The following GRM7 variants were observed in gnomAD, a reference collection of about 807,000 sequenced individuals.
GRM7 encodes metabotropic glutamate receptor 7.
GRM7 carries 35 observed loss-of-function variants against 84.5 expected under a neutral mutation model. That is an observed-to-expected ratio of 0.41 (90% CI 0.32 to 0.55). GRM7 has a LOEUF of 0.55. Among genes scored for constraint, GRM7 ranks in the 20% least tolerant of loss-of-function variants. The pLI is 0.19. For missense variants in GRM7, 1,003 were observed against 1,194.6 expected (o/e 0.84, Z 2.36); for synonymous variants, 487 against 455.1 (o/e 1.07, Z -0.89).
At chr3:7,655,907 T>C (rs1327184903) in intron 8 of GRM7, among the ~76,000 whole-genome samples, 2 of 152,176 alleles carry the variant, frequency 1.3e-5, no homozygotes, top group African/African-American at 4.8e-5. Flanking sequence ...GAAGGAACCA[T>C]GTGTAAGAAA....
intron 8 of GRM7, among the ~76,000 whole-genome samples, chr3:7,605,928 C>T (rs997116973): frequency 2.0e-5 from 3 of 152,086 alleles, no homozygotes; most frequent in Non-Finnish European, 4.4e-5. Flanking sequence ...CTCCGTGTTC[C>T]AATAACACTT....
intron 2 of GRM7, among the ~76,000 whole-genome samples, chr3:7,252,200 G>A (rs2124940948): frequency 1.3e-5 from 2 of 152,300 alleles, no homozygotes; most frequent in South Asian, 2.1e-4. Flanking sequence ...TTACCGAGAG[G>A]CAAGTGCTTT....
At chr3:7,452,482 A>G in intron 5 of GRM7, 125 bp from the exon 6 acceptor site, 1 of 699,690 alleles carries the variant, frequency 1.4e-6, no homozygotes, top group Admixed American at 2.3e-5. Context: ...GAATTACTGT[A>G]TTTATCGAAG....
rs1330952214 is a variant in GRM7 at position 7,259,954 on chromosome 3, T to TTTTTTTTTTTG, written c.737-38720_737-38719insGTTTTTTTTTT. Among the ~76,000 whole-genome samples, 10 of 14,246 alleles carry TTTTTTTTTTTG rather than the reference T, an allele frequency of 7.0e-4. 1 individual carries two copies. The highest frequency in any genetic ancestry group is 1.4e-3 in the Admixed American group (1 of 698). The allele number at this position is 14,246 out of a possible 152,430, so 9.3% of individuals were successfully genotyped here. A position where few individuals can be genotyped will look rare whatever the true frequency, so the allele number is the denominator to read the frequency against. ...TTCTCTGCAACCTTACCAGCATCTG[T>TTTTTTTTTTTG]TTTTTTTTTTTGACGTTTTAATAAT... On this transcript the variant is annotated intron_variant, in intron 2 of 9. Transcript: ENST00000357716.
intron 4 of GRM7, among the ~76,000 whole-genome samples, chr3:7,308,491 G>A (rs766126626): frequency 1.2e-3 from 178 of 152,204 alleles, no homozygotes; most frequent in Non-Finnish European, 2.0e-3. Context: ...GTGATTATGT[G>A]TCTGGAGGGA....
At chr3:7,055,203 T>A (rs1401078975) in intron 1 of GRM7, among the ~76,000 whole-genome samples, 1 of 151,264 alleles carries the variant, frequency 6.6e-6, no homozygotes, top group Non-Finnish European at 1.5e-5. Flanking sequence ...TTCATTTTCT[T>A]CTTCTTCTTC....
At chr3:7,048,866 C>T (rs1169787206) in intron 1 of GRM7, among the ~76,000 whole-genome samples, 1 of 151,888 alleles carries the variant, frequency 6.6e-6, no homozygotes, top group African/African-American at 2.4e-5. Context: ...AACACTTCCT[C>T]ACCCCCGGTA....
chr3:6,923,526 A>T (rs1402516944), intron 1 of GRM7, among the ~76,000 whole-genome samples: 1 of 152,212 alleles, frequency 6.6e-6, no homozygotes, highest in African/African-American at 2.4e-5. Context: ...AAATCTTTTG[A>T]GGATTGTTCA....
At chr3:7,466,539 A>G (rs767535829) in intron 7 of GRM7, among the ~76,000 whole-genome samples, 1 of 152,248 alleles carries the variant, frequency 6.6e-6, no homozygotes, top group Non-Finnish European at 1.5e-5. Flanking sequence ...GATAGAAACC[A>G]TGATGGTTAC....
chr3:6,990,826 T>C (rs1482115476), intron 1 of GRM7, among the ~76,000 whole-genome samples: 2 of 152,170 alleles, frequency 1.3e-5, no homozygotes, highest in African/African-American at 4.8e-5. Context: ...GCTAATCAAC[T>C]CCAAAGTCTT....
In GRM7 at chr3:7,626,701, G is replaced by T. The variant is rs184178282; in HGVS notation, c.2451+47344G>T. On this transcript the variant is annotated intron_variant, in intron 8 of 9. Coordinates refer to ENST00000357716, the MANE Select transcript of GRM7 (RefSeq NM_000844.4). ...TTGTGTAAGGATACTAGCCATAGTG[G>T]ATTAGAGACCCACCCTAATCATCTC... 4.6e-5 allele frequency among the ~76,000 whole-genome samples: 7 copies of T among 152,238 alleles called. No homozygotes were observed. In the East Asian group the frequency reaches 1.4e-3, roughly 29 times the overall value.
chr3:7,046,611 C>A (rs1696816006), intron 1 of GRM7, among the ~76,000 whole-genome samples: 1 of 152,158 alleles, frequency 6.6e-6, no homozygotes, highest in South Asian at 2.1e-4. Context: ...CATTCCCCTT[C>A]AAGAGGCATA....
chr3:7,449,555 A>C (rs1326708262), intron 5 of GRM7, among the ~76,000 whole-genome samples: 1 of 152,164 alleles, frequency 6.6e-6, no homozygotes, highest in Non-Finnish European at 1.5e-5. Context: ...TTGCTCTGTC[A>C]GTTATTAAAA....
At chr3:7,708,273 C>A (rs1701461235) in intron 9 of GRM7, among the ~76,000 whole-genome samples, 1 of 151,636 alleles carries the variant, frequency 6.6e-6, no homozygotes, top group South Asian at 2.1e-4. Context: ...AGCCTAGTTT[C>A]CTTAAAAATA....
At chr3:7,312,647 A>G (rs1360057812) in intron 4 of GRM7, among the ~76,000 whole-genome samples, 1 of 152,126 alleles carries the variant, frequency 6.6e-6, no homozygotes, top group African/African-American at 2.4e-5. Flanking sequence ...TAAAATGCCA[A>G]ATGCTGACTT....
At chr3:7,482,155 TC>T (rs1699155174) in intron 7 of GRM7, among the ~76,000 whole-genome samples, 3 of 152,132 alleles carry the variant, frequency 2.0e-5, no homozygotes, top group Admixed American at 6.5e-5. Context: ...ACCACTGCAC[TC>T]CAGCCTGGGT....
intron 1 of GRM7, among the ~76,000 whole-genome samples, chr3:6,967,487 G>T (rs893961388): frequency 6.6e-6 from 1 of 152,144 alleles, no homozygotes; most frequent in Admixed American, 6.5e-5. Flanking sequence ...GAGCCACCAC[G>T]CCTGGCTCGG....
At chr3:7,405,558 TC>T (rs1695638572) in intron 4 of GRM7, among the ~76,000 whole-genome samples, 1 of 152,104 alleles carries the variant, frequency 6.6e-6, no homozygotes, top group African/African-American at 2.4e-5. Context: ...TATACCTACT[TC>T]GGATAGTTAT....
intron 5 of GRM7, among the ~76,000 whole-genome samples, chr3:7,435,092 T>A (rs1696987446): frequency 6.6e-6 from 1 of 152,142 alleles, no homozygotes; most frequent in African/African-American, 2.4e-5. Flanking sequence ...AACTTGTTCA[T>A]AATGTTTCTT....
Sources: allele counts gnomAD v4.1 joint callset (sites outside exome capture counted in the v4.1 genomes callset), GRCh38; gene constraint gnomAD v4.1.1; transcripts MANE v1.5; gene names NCBI Gene and HGNC (gene_info 2026-07-23, HGNC 2026-07-21).